ADAM12: variants seen among roughly 807,000 people sequenced by gnomAD.
ADAM12 encodes disintegrin and metalloproteinase domain-containing protein 12.
In ADAM12, 70 loss-of-function variants were observed where a neutral mutation model predicts 106.4. The observed-to-expected ratio is 0.66, with a 90% confidence interval of 0.54 to 0.80. ADAM12 has a LOEUF of 0.80. Among genes scored for constraint, ADAM12 ranks in the 30% least tolerant of loss-of-function variants. ADAM12 has a pLI of 0.00. For missense variants in ADAM12, 1,010 were observed against 1,171.9 expected, an observed-to-expected ratio of 0.86 and a Z score of 2.02; for synonymous variants, 420 against 433.5, an observed-to-expected ratio of 0.97 and a Z score of 0.39.
chr10:126,251,801 T>A lies in ADAM12; in HGVS notation c.260+27114A>T, dbSNP rs561964682. The stretch of plus-strand genomic sequence containing the variant: ...GAATGGATTGGATGGATGGATGGGA[T>A]GGATACATGAATTGATGGGATGGAT... On this transcript the variant is annotated intron_variant, in intron 3 of 22. Coordinates refer to ENST00000448723, the MANE Select transcript of ADAM12 (RefSeq NM_001288973.2). Among the ~76,000 whole-genome samples the A allele has an allele frequency of 6.1e-5, 9 of 148,192 alleles. No homozygotes were observed. In the South Asian group the frequency reaches 1.9e-3, roughly 32 times the overall value.
chr10:126,124,319 G>A (rs1404181866), intron 5 of ADAM12, among the ~76,000 whole-genome samples: 3 of 151,514 alleles, frequency 2.0e-5, no homozygotes, highest in African/African-American at 2.4e-5. Flanking sequence ...GCAACTCCTG[G>A]GTAAAAGTAA....
intron 14 of ADAM12, among the ~76,000 whole-genome samples, chr10:126,054,832 G>A (rs931461634): frequency 1.4e-4 from 22 of 152,264 alleles, no homozygotes; most frequent in African/African-American, 5.3e-4. Flanking sequence ...CTTGGACTGT[G>A]GGGAAGGTGT....
rs369185331 is a variant in ADAM12, at chr10:126,025,102, C to CA, written c.2530-5278dup. Among the ~76,000 whole-genome samples, 1,165 of 152,196 alleles carry CA rather than the reference C, an allele frequency of 7.7e-3. 13 individuals carry two copies. Among genetic ancestry groups the CA allele is most frequent in the African/African-American group, 0.026 (1,099 of 41,502 alleles). On this transcript the variant is annotated intron_variant, in intron 21 of 22. Coordinates refer to ENST00000448723, the MANE Select transcript of ADAM12 (RefSeq NM_001288973.2). ...CCACAAAGATGAGAAAGAATCAACA[C>CA]AAAAACACTGAAAACTCAAAAAGCC...
intron 3 of ADAM12, among the ~76,000 whole-genome samples, chr10:126,248,807 G>C (rs947356051): frequency 6.6e-6 from 1 of 152,038 alleles, no homozygotes; most frequent in African/African-American, 2.4e-5. Context: ...CTGGGTTCAA[G>C]TGATTCTCCT....
At chr10:126,237,424 C>G (rs546863401) in intron 3 of ADAM12, among the ~76,000 whole-genome samples, 1 of 152,148 alleles carries the variant, frequency 6.6e-6, no homozygotes, top group Non-Finnish European at 1.5e-5. Flanking sequence ...AACTTGGGGC[C>G]GACCTCATTT....
At chr10:126,260,244 A>G (rs994717462) in intron 3 of ADAM12, among the ~76,000 whole-genome samples, 5 of 152,230 alleles carry the variant, frequency 3.3e-5, no homozygotes, top group Non-Finnish European at 5.9e-5. Flanking sequence ...GCTGCCTGCT[A>G]GACTATCCAT....
rs560647267 is a variant in ADAM12, at chr10:126,306,044, C to T, written c.186+24368G>A. Among the ~76,000 whole-genome samples the T allele has an allele frequency of 9.7e-4, 147 of 151,992 alleles. 1 individual carries two copies. Among genetic ancestry groups the T allele is most frequent in the African/African-American group, 3.2e-3 (134 of 41,510 alleles). On this transcript the variant is annotated intron_variant, in intron 2 of 22. Transcript: ENST00000448723. Reference sequence around the variant, plus strand: ...ATATACAGGGAGTTTGGTTTCTTAACCCCATCTGATAATCCTTGTTTTTTA... The same window carrying T: ...ATATACAGGGAGTTTGGTTTCTTAATCCCATCTGATAATCCTTGTTTTTTA...
In ADAM12 at chr10:126,066,411, A is replaced by G. The variant is rs529142375; in HGVS notation, c.1413+306T>C. On this transcript the variant is annotated intron_variant, in intron 13 of 22. Transcript: ENST00000448723. This position sits in a 1 kb window ranked among gnomAD's most constrained non-coding sequence, Gnocchi z 5.1. ...TTGCTCTTCTTGTCAGCATAGTAGA[A>G]CCCCATGTGCCTCTGACGGCACAAA... 4.4e-4 allele frequency among the ~76,000 whole-genome samples: 67 copies of G among 152,152 alleles called. No homozygotes were observed. Among genetic ancestry groups the G allele is most frequent in the Non-Finnish European group, 8.7e-4 (59 of 68,028 alleles).
chr10:126,309,944 A>G (rs531253022), intron 2 of ADAM12, among the ~76,000 whole-genome samples: 38 of 152,054 alleles, frequency 2.5e-4, no homozygotes, highest in Non-Finnish European at 3.5e-4. Context: ...AGATCACTTG[A>G]GGTCAGAAGT....
At chr10:126,263,661 T>G (rs1000503839) in intron 3 of ADAM12, among the ~76,000 whole-genome samples, 1 of 152,168 alleles carries the variant, frequency 6.6e-6, no homozygotes, top group Non-Finnish European at 1.5e-5. Context: ...ACTAATTAAT[T>G]TATGTGTCCT....
At chr10:126,281,652 T>C (rs751252087) in intron 2 of ADAM12, among the ~76,000 whole-genome samples, 4 of 152,224 alleles carry the variant, frequency 2.6e-5, no homozygotes, top group Non-Finnish European at 5.9e-5. Context: ...CTTAAAAGCA[T>C]GTATTCATTC....
intron 1 of ADAM12, among the ~76,000 whole-genome samples, chr10:126,387,799 G>A (rs995968477): frequency 6.6e-6 from 1 of 152,044 alleles, no homozygotes; most frequent in African/African-American, 2.4e-5. Context: ...GAGGACGGGG[G>A]AGCGGTCCCG....
chr10:126,361,442 A>G (rs1376418165), intron 1 of ADAM12, among the ~76,000 whole-genome samples: 3 of 152,182 alleles, frequency 2.0e-5, no homozygotes, highest in Admixed American at 6.5e-5. Context: ...CAATCCTAAA[A>G]TTTATATGGA....
intron 2 of ADAM12, among the ~76,000 whole-genome samples, chr10:126,326,261 C>T (rs1486583607): frequency 1.3e-5 from 2 of 151,666 alleles, no homozygotes; most frequent in African/African-American, 4.9e-5. Flanking sequence ...TAAATTAACT[C>T]TCAACAACTG....
intron 2 of ADAM12, among the ~76,000 whole-genome samples, chr10:126,282,443 T>C (rs1248835706): frequency 2.0e-5 from 3 of 152,228 alleles, no homozygotes; most frequent in African/African-American, 2.4e-5. Flanking sequence ...GTAACCATTA[T>C]GCTGAAGTTT....
At chr10:126,377,620 T>G (rs927622670) in intron 1 of ADAM12, among the ~76,000 whole-genome samples, 1 of 152,144 alleles carries the variant, frequency 6.6e-6, no homozygotes, top group African/African-American at 2.4e-5. Flanking sequence ...GATCAATACT[T>G]TGCATCCTTC....
chr10:126,239,882 T>C (rs2133648329), intron 3 of ADAM12, among the ~76,000 whole-genome samples: 1 of 152,328 alleles, frequency 6.6e-6, no homozygotes, highest in Admixed American at 6.5e-5. Flanking sequence ...GCAGGTGGAA[T>C]CCATATAGTA....
intron 3 of ADAM12, among the ~76,000 whole-genome samples, chr10:126,197,124 T>A (rs1957611256): frequency 6.6e-6 from 1 of 151,850 alleles, no homozygotes; most frequent in Non-Finnish European, 1.5e-5. Flanking sequence ...CGGTCCCAGG[T>A]GGAGGCAGGG....
chr10:126,345,158 G>A (rs182097694), intron 1 of ADAM12, among the ~76,000 whole-genome samples: 24,567 of 152,076 alleles, frequency 0.16, 2,210 homozygotes, highest in Middle Eastern at 0.28. Context: ...TTGGCTATGG[G>A]TTTGTCATAA....
Sources: gnomAD v4.1 joint callset for allele counts (sites outside exome capture counted in the v4.1 genomes callset) on GRCh38, gnomAD v4.1.1 for gene constraint, Gnocchi (gnomAD v3.1) non-coding constraint, MANE v1.5 for transcripts, NCBI Gene and HGNC (gene_info 2026-07-23, HGNC 2026-07-21) for gene names.